RYR2: variants seen among roughly 807,000 people sequenced by gnomAD.
The protein encoded by RYR2 is ryanodine receptor 2, also known as cardiac muscle ryanodine receptor-calcium release channel.
RYR2 carries 227 observed loss-of-function variants against 601.1 expected under a neutral mutation model. The ratio of observed to expected loss-of-function variants is 0.38; its 90% CI spans 0.34 to 0.42. The LOEUF (loss-of-function observed/expected upper bound fraction) is 0.42. Among genes scored for constraint, RYR2 ranks in the 10% least tolerant of loss-of-function variants. The pLI is 1.00. For missense variants in RYR2, 4,646 were observed against 6,156.5 expected, an observed-to-expected ratio of 0.75 and a Z score of 8.21; for synonymous variants, 2,223 against 2,175.1, an observed-to-expected ratio of 1.02 and a Z score of -0.61.
chr1:237,555,705 C>A (rs1469231988), intron 27 of RYR2, among the ~76,000 whole-genome samples: 1 of 152,002 alleles, frequency 6.6e-6, no homozygotes, highest in Non-Finnish European at 1.5e-5. Flanking sequence ...AGAGAGAATG[C>A]CTAAGTCTGG....
chr1:237,756,280 G>A lies in RYR2; in HGVS notation c.11146-8G>A, dbSNP rs1425021300. On this transcript the variant is annotated splice_polypyrimidine_tract_variant and splice_region_variant and intron_variant, in intron 80 of 104. Transcript: ENST00000366574. ...CCCTCAACATAAATGGTTGGGATTTGTGTTCAGGAAAAAGAAATGGAAAAG... is the reference window on the plus strand; with the variant it reads ...CCCTCAACATAAATGGTTGGGATTTATGTTCAGGAAAAAGAAATGGAAAAG... 3.1e-6 allele frequency: 5 copies of A among 1,590,488 alleles called. 1 individual carries two copies. The South Asian group carries it at 4.4e-5, about 14-fold the overall frequency.
chr1:237,504,064 G>A (rs995178568), intron 22 of RYR2, among the ~76,000 whole-genome samples: 12 of 152,112 alleles, frequency 7.9e-5, no homozygotes, highest in African/African-American at 2.2e-4. Context: ...CCTAATGTAC[G>A]AACAGATTAC....
chr1:237,269,988 TG>T (rs1239990258), intron 1 of RYR2, among the ~76,000 whole-genome samples: 1 of 152,220 alleles, frequency 6.6e-6, no homozygotes, highest in Non-Finnish European at 1.5e-5. Flanking sequence ...AACTAATGCT[TG>T]GTTGAACTAA....
At chr1:237,290,113 T>C (rs1223344369) in intron 2 of RYR2, among the ~76,000 whole-genome samples, 1 of 152,176 alleles carries the variant, frequency 6.6e-6, no homozygotes, top group Non-Finnish European at 1.5e-5. Context: ...TTACTCACAA[T>C]AGCCTAAAAC....
At chr1:237,642,491 G>A (rs1277496454) in intron 47 of RYR2, among the ~76,000 whole-genome samples, 10 of 152,022 alleles carry the variant, frequency 6.6e-5, no homozygotes, top group East Asian at 1.9e-4. Context: ...AAACATCAGC[G>A]AAACAAAGAG....
chr1:237,207,026 G>A (rs187882863), intron 1 of RYR2, among the ~76,000 whole-genome samples: 1 of 152,168 alleles, frequency 6.6e-6, no homozygotes, highest in East Asian at 1.9e-4. Context: ...CTAAAATTCA[G>A]GTGATGCTTG....
At chr1:237,427,340 C>T (rs1706278614) in intron 12 of RYR2, among the ~76,000 whole-genome samples, 1 of 152,046 alleles carries the variant, frequency 6.6e-6, no homozygotes, top group South Asian at 2.1e-4. Context: ...ACTCTATTTG[C>T]TTATCAATAT....
chr1:237,221,361 A>C (rs144802449), intron 1 of RYR2, among the ~76,000 whole-genome samples: 50 of 152,336 alleles, frequency 3.3e-4, no homozygotes, highest in Admixed American at 1.6e-3. Context: ...TGGATGCTTT[A>C]ACTTATGAAA....
In RYR2 at chr1:237,469,089, C is replaced by T; in HGVS notation, c.1613-3C>T. ...AAGGTGAAATCTATTTCTTCTTTTG[C>T]AGCGGCTCTAATTAGAGGAAATCGT... is the stretch of plus-strand genomic sequence containing the variant. On this transcript the variant is annotated splice_polypyrimidine_tract_variant and splice_region_variant and intron_variant, in intron 16 of 104. Transcript: ENST00000366574. The T allele has an allele frequency of 1.2e-6, 2 of 1,611,284 alleles. No homozygotes were observed. The highest frequency in any genetic ancestry group is 4.5e-5 in the East Asian group (2 of 44,836).
chr1:237,383,417 G>GTTTTTTTTTT lies in RYR2; in HGVS notation c.577-3843_577-3834dup, dbSNP rs10567644. On this transcript the variant is annotated intron_variant, in intron 8 of 104. Transcript: ENST00000366574. ...TTTACATTTTCTTTTCTTTTTTCTT[G>GTTTTTTTTTT]TTTTTTTTTTTTTTTTTTTTTTTTT... 3.6e-4 allele frequency among the ~76,000 whole-genome samples: 18 copies of GTTTTTTTTTT among 50,580 alleles called. 3 individuals are homozygous for GTTTTTTTTTT. Among genetic ancestry groups the GTTTTTTTTTT allele is most frequent in the Non-Finnish European group, 6.4e-4 (17 of 26,512 alleles). 33.2% of individuals were successfully genotyped at this position (50,580 alleles called of 152,430 possible).
chr1:237,276,237 T>C (rs1690276263), intron 2 of RYR2, among the ~76,000 whole-genome samples: 1 of 152,128 alleles, frequency 6.6e-6, no homozygotes, highest in South Asian at 2.1e-4. Context: ...GTTGCTGAGA[T>C]TACAGGCACC....
rs536096794 is a variant in RYR2 at position 237,678,900 on chromosome 1, C to T, written c.8895+788C>T. 3.0e-4 allele frequency among the ~76,000 whole-genome samples: 46 copies of T among 152,214 alleles called. 2 individuals carry two copies. In the South Asian group the frequency reaches 8.3e-3, roughly 27 times the overall value. On this transcript the variant is annotated intron_variant, in intron 61 of 104. Transcript: ENST00000366574. ...TTCCTTTTAAAGTACTTGCATTCAG[C>T]GATTACAGATAATTTGCTATAAATA...
At chr1:237,061,071 C>T (rs1459031526) in intron 1 of RYR2, among the ~76,000 whole-genome samples, 1 of 152,150 alleles carries the variant, frequency 6.6e-6, no homozygotes, top group East Asian at 1.9e-4. Flanking sequence ...TAGAGGGTTT[C>T]ATTGTGACTT....
intron 1 of RYR2, among the ~76,000 whole-genome samples, chr1:237,149,145 A>G (rs1674405460): frequency 6.6e-6 from 1 of 152,210 alleles, no homozygotes; most frequent in Non-Finnish European, 1.5e-5. Flanking sequence ...GATACCAACC[A>G]TGATAGAGGA....
intron 81 of RYR2, 36 bp from the exon 82 acceptor site, chr1:237,757,661 A>G: frequency 2.2e-6 from 3 of 1,364,652 alleles, no homozygotes; most frequent in African/African-American, 2.9e-5. Context: ...AGAAGGCGAA[A>G]TGATATAAGG....
At chr1:237,151,640 C>T (rs771538401) in intron 1 of RYR2, among the ~76,000 whole-genome samples, 17 of 152,138 alleles carry the variant, frequency 1.1e-4, no homozygotes, top group Non-Finnish European at 1.8e-4. Context: ...AAAAGGTATA[C>T]GGTATTTAGC....
chr1:237,680,722 C>G (rs1280312764), intron 62 of RYR2, 145 bp downstream of exon 62: 2 of 569,048 alleles, frequency 3.5e-6, no homozygotes, highest in African/African-American at 3.8e-5. Flanking sequence ...AAATACTAGA[C>G]AAAAACAGTT....
intron 17 of RYR2, among the ~76,000 whole-genome samples, chr1:237,481,120 A>ATACATATATATATG (rs1662035214): frequency 1.4e-5 from 2 of 147,860 alleles, no homozygotes; most frequent in African/African-American, 5.0e-5. Flanking sequence ...ATATATATAT[A>ATACATATATATATG]TATATACACA....
At chr1:237,483,687 G>A (rs1313293249) in intron 17 of RYR2, among the ~76,000 whole-genome samples, 2 of 152,168 alleles carry the variant, frequency 1.3e-5, no homozygotes, top group Non-Finnish European at 2.9e-5. Context: ...TGTCGTTCAT[G>A]TTCTGTGTGT....
Sources: allele counts gnomAD v4.1 joint callset (sites outside exome capture counted in the v4.1 genomes callset), GRCh38; gene constraint gnomAD v4.1.1; transcripts MANE v1.5; gene names NCBI Gene and HGNC (gene_info 2026-07-23, HGNC 2026-07-21).